The following PLA2G4E variants were observed in gnomAD, a reference collection of about 807,000 sequenced individuals.
The protein encoded by PLA2G4E is cytosolic phospholipase A2 epsilon.
Under a neutral mutation model 109.1 loss-of-function variants are expected in PLA2G4E, and 84 were observed. The observed-to-expected ratio is 0.77, with a 90% confidence interval of 0.65 to 0.92. The LOEUF is 0.92. Ranked by LOEUF, PLA2G4E falls within the 40% of genes least tolerant of loss-of-function variation. The pLI is 0.00. For synonymous variants in PLA2G4E, 469 were observed against 436.1 expected, an observed-to-expected ratio of 1.08 and a Z score of -0.94; for missense variants, 1,057 against 1,076.6, an observed-to-expected ratio of 0.98 and a Z score of 0.25.
chr15:41,983,727 C>G (rs2068094369), exon 20 of PLA2G4E: 1 of 1,545,238 alleles, frequency 6.5e-7, no homozygotes, highest in Non-Finnish European at 8.8e-7. Context: ...TAGAAGCTGA[C>G]ACAGAACAGG....
chr15:42,008,340 G>A (rs4924598), intron 2 of PLA2G4E, among the ~76,000 whole-genome samples: 36,578 of 152,090 alleles, frequency 0.24, 5,520 homozygotes, highest in African/African-American at 0.41. Flanking sequence ...TCGGCCAAGA[G>A]GAAGGGCCCC....
intron 2 of PLA2G4E, among the ~76,000 whole-genome samples, chr15:42,012,892 T>C (rs961773610): frequency 2.0e-5 from 3 of 152,182 alleles, no homozygotes; most frequent in African/African-American, 7.2e-5. Context: ...GGCCTGGATA[T>C]ACAGCTTTTT....
intron 1 of PLA2G4E, among the ~76,000 whole-genome samples, chr15:42,017,431 G>A (rs775559796): frequency 2.0e-5 from 3 of 152,202 alleles, no homozygotes; most frequent in Admixed American, 6.5e-5. Context: ...CCAGCCATGC[G>A]CAGGTGCCAT....
chr15:42,020,713 G>A (rs2068640060), intron 1 of PLA2G4E, among the ~76,000 whole-genome samples: 1 of 152,148 alleles, frequency 6.6e-6, no homozygotes, highest in African/African-American at 2.4e-5. Flanking sequence ...ACTCTCAGCA[G>A]GGCCACCCAA....
intron 17 of PLA2G4E, 34 bp downstream of exon 17, chr15:41,987,138 A>G (rs1169996321): frequency 6.3e-7 from 1 of 1,576,360 alleles, no homozygotes. Flanking sequence ...CTCCATATGG[A>G]GGCAGGCCTC....
intron 1 of PLA2G4E, among the ~76,000 whole-genome samples, chr15:42,024,068 AGAAAGGGGAG>A (rs1387693483): frequency 5.9e-5 from 9 of 152,188 alleles, no homozygotes; most frequent in African/African-American, 2.2e-4. Context: ...TGTAAAATCT[AGAAAGGGGAG>A]GAAAGGGGGT....
intron 2 of PLA2G4E, 29 bp from the exon 3 acceptor site, chr15:42,007,894 C>A (rs1195613044): frequency 6.3e-7 from 1 of 1,581,784 alleles, no homozygotes; most frequent in East Asian, 2.3e-5. Context: ...TGGAACCAAT[C>A]CAGGTTCAGA....
At chr15:42,050,655 A>C (rs745810915) in exon 1 of PLA2G4E, 1 of 1,550,506 alleles carries the variant, frequency 6.4e-7, no homozygotes. Context: ...TGTGGGACAA[A>C]CACATTAGTT....
chr15:42,049,783 C>T (rs1229105097), intron 1 of PLA2G4E, among the ~76,000 whole-genome samples: 1 of 152,164 alleles, frequency 6.6e-6, no homozygotes, highest in African/African-American at 2.4e-5. Flanking sequence ...CCGCTAAGAC[C>T]ATAGCAGCCA....
At chr15:41,987,028 G>T in intron 17 of PLA2G4E, 144 bp downstream of exon 17, 1 of 839,148 alleles carries the variant, frequency 1.2e-6, no homozygotes, top group Non-Finnish European at 1.9e-6. Flanking sequence ...CACCAAATGT[G>T]GAAAACACCA....
At chr15:41,986,184 T>C (rs113343088) in intron 17 of PLA2G4E, among the ~76,000 whole-genome samples, 179 bp from the exon 18 acceptor site, 305 of 152,246 alleles carry the variant, frequency 2.0e-3, no homozygotes, top group African/African-American at 7.1e-3. Flanking sequence ...TCTTGGGCTT[T>C]TAGCTAGTCT....
chr15:42,036,757 G>T (rs978958523), intron 1 of PLA2G4E, among the ~76,000 whole-genome samples: 1 of 152,166 alleles, frequency 6.6e-6, no homozygotes, highest in Admixed American at 6.5e-5. Context: ...GGATGGAGCT[G>T]CATGCTCCGC....
chr15:42,034,840 A>C lies in PLA2G4E; in HGVS notation c.183+15681T>G, dbSNP rs183564336. Among the ~76,000 whole-genome samples the C allele has an allele frequency of 3.1e-3, 473 of 152,360 alleles. 2 individuals carry two copies. Among genetic ancestry groups the C allele is most frequent in the Non-Finnish European group, 4.3e-3 (291 of 68,044 alleles). On this transcript the variant is annotated intron_variant, in intron 1 of 19. Transcript: ENST00000399518. ...CTAGATCCAGCTATGCCTGAAGCCT[A>C]TATGCCCCTTGGACTTCCCAGTTAC...
At chr15:42,026,557 G>A (rs564640382) in intron 1 of PLA2G4E, among the ~76,000 whole-genome samples, 1 of 152,332 alleles carries the variant, frequency 6.6e-6, no homozygotes, top group South Asian at 2.1e-4. Context: ...GTGGGAATAT[G>A]GGAATAGAGT....
In PLA2G4E at chr15:42,007,356, C is replaced by A. The variant is rs575745755; in HGVS notation, c.393+373G>T. Among the ~76,000 whole-genome samples, 12 of 152,318 alleles carry A rather than the reference C, an allele frequency of 7.9e-5. No homozygotes were observed. In the East Asian group the frequency reaches 2.1e-3, roughly 27 times the overall value. On this transcript the variant is annotated intron_variant, in intron 3 of 19. Transcript: ENST00000399518. ...TGAAAAGAATTTAAGAGGGAGAGAACCCTCTGGCTGGAATTAGACTGGCCT... is the reference window on the plus strand; with the variant it reads ...TGAAAAGAATTTAAGAGGGAGAGAAACCTCTGGCTGGAATTAGACTGGCCT...
chr15:42,000,480 G>A (rs2068405102), intron 7 of PLA2G4E, among the ~76,000 whole-genome samples, 198 bp from the exon 8 acceptor site: 1 of 152,214 alleles, frequency 6.6e-6, no homozygotes. Flanking sequence ...GGTTTATGAG[G>A]ATGCAGACAA....
At position 41,995,360 on chromosome 15, in the gene PLA2G4E, C is replaced by T. The variant is rs1292977235; in HGVS notation, c.1247G>A (p.Trp416Ter). The change falls in exon 12 of 20, where the codon TGG becomes TAG. Residue 416 changes from tryptophan to a stop codon, truncating the protein, a stop_gained and splice_region_variant. Transcript: ENST00000399518. LOFTEE classifies it high-confidence loss of function. ...CAGACAGTGGCTCATGTCTCCTTAC[C>T]AGGTGGCCCCTGATAGACCGGTGAT... The T allele has an allele frequency of 6.2e-7, 1 of 1,612,448 alleles. No individual in the cohort carries two copies. Among genetic ancestry groups the T allele is most frequent in the Non-Finnish European group, 8.5e-7 (1 of 1,178,820 alleles).
At chr15:42,035,786 A>T (rs1345723969) in intron 1 of PLA2G4E, among the ~76,000 whole-genome samples, 1 of 152,146 alleles carries the variant, frequency 6.6e-6, no homozygotes. Flanking sequence ...ATAGGTATCC[A>T]TTTTATTATT....
chr15:42,013,882 G>GTTTTTTTT, intron 1 of PLA2G4E, 125 bp from the exon 2 acceptor site: 1 of 132,742 alleles, frequency 7.5e-6, no homozygotes, highest in Non-Finnish European at 1.3e-5. Flanking sequence ...CCCTAGGCTG[G>GTTTTTTTT]TTTTTTTTTT....
Sources: gnomAD v4.1 joint callset for allele counts (sites outside exome capture counted in the v4.1 genomes callset) on GRCh38, gnomAD v4.1.1 for gene constraint, MANE v1.5 for transcripts, NCBI Gene and HGNC (gene_info 2026-07-23, HGNC 2026-07-21) for gene names.